The following BTAF1 variants were observed in gnomAD, a reference collection of about 807,000 sequenced individuals.
The protein encoded by BTAF1 is B-TFIID TATA-box binding protein associated factor 1.
A neutral mutation model predicts 227.1 loss-of-function variants in BTAF1; 38 were observed. The ratio of observed to expected loss-of-function variants is 0.17; its 90% CI spans 0.13 to 0.22. The LOEUF (loss-of-function observed/expected upper bound fraction) is 0.22, where lower values mean the gene tolerates loss of function less well. BTAF1 is among the 10% of genes least tolerant of loss of function. The probability of loss-of-function intolerance (pLI) is 1.00; values close to 1 mark genes in which losing one functional copy is unlikely to be tolerated. For missense variants in BTAF1, 1,598 were observed against 2,204.0 expected (o/e 0.73, Z 5.51); for synonymous variants, 742 against 751.9 (o/e 0.99, Z 0.21).
Position 91,934,339 on chromosome 10 carries a change from C to T in BTAF1, c.15-1318C>T, listed in dbSNP as rs544701981. 2.0e-5 allele frequency among the ~76,000 whole-genome samples: 3 copies of T among 152,068 alleles called. No individual in the cohort carries two copies. The South Asian group carries it at 6.2e-4, about 32-fold the overall frequency. The stretch of plus-strand genomic sequence containing the variant: ...AACCTCTGCCTCCCGGATTCAGAAG[C>T]AATTATCCTGCCTCAGCCTCCCTAG... On this transcript the variant is annotated intron_variant, in intron 1 of 37. Coordinates refer to ENST00000265990, the MANE Select transcript of BTAF1 (RefSeq NM_003972.3).
intron 34 of BTAF1, among the ~76,000 whole-genome samples, chr10:92,019,750 C>T (rs1850987172): frequency 6.6e-6 from 1 of 152,198 alleles, no homozygotes; most frequent in Non-Finnish European, 1.5e-5. Context: ...TCCCTAATGA[C>T]TGATGATGTT....
chr10:91,959,865 CTT>C lies in BTAF1; in HGVS notation c.1073_1074del (p.Phe358CysfsTer3). 6.2e-7 allele frequency: 1 copy of C among 1,608,294 alleles called. No individual in the cohort carries two copies. The highest frequency in any genetic ancestry group is 1.1e-5 in the South Asian group (1 of 89,464). ...TTTTTGCATTAGACAGATTTGGAGA[CTT>C]TGTTTCTGATGAAGTAAGTATCATT... ...CVFALDRFGD[F>X]VSDEVVAPVR... On this transcript the variant is annotated frameshift_variant, in exon 10 of 38. Coordinates refer to ENST00000265990, the MANE Select transcript of BTAF1 (RefSeq NM_003972.3). LOFTEE classifies it high-confidence loss of function.
chr10:91,945,634 G>T (rs567277898), intron 4 of BTAF1, among the ~76,000 whole-genome samples: 1 of 152,256 alleles, frequency 6.6e-6, no homozygotes, highest in South Asian at 2.1e-4. Flanking sequence ...TTCTTTTTAA[G>T]GCTGAATAAT....
chr10:92,006,392 A>C (rs529769761), intron 25 of BTAF1, among the ~76,000 whole-genome samples: 14 of 152,346 alleles, frequency 9.2e-5, no homozygotes, highest in African/African-American at 2.6e-4. Flanking sequence ...TGAATGTTTC[A>C]TACTCTCTTA....
chr10:91,981,444 C>A (rs1037782060), intron 15 of BTAF1, among the ~76,000 whole-genome samples, 199 bp from the exon 16 acceptor site: 1 of 151,508 alleles, frequency 6.6e-6, no homozygotes, highest in African/African-American at 2.4e-5. Flanking sequence ...AAAAAACTTT[C>A]CTTTGCATGA....
chr10:91,954,454 G>A (rs1845961076), intron 6 of BTAF1, among the ~76,000 whole-genome samples: 1 of 152,068 alleles, frequency 6.6e-6, no homozygotes, highest in Non-Finnish European at 1.5e-5. Context: ...GTTACTAAAA[G>A]TGATCATCTA....
chr10:91,952,212 C>G (rs890472824), intron 5 of BTAF1, among the ~76,000 whole-genome samples: 1 of 151,168 alleles, frequency 6.6e-6, no homozygotes, highest in Non-Finnish European at 1.5e-5. Context: ...CCATGTTTAC[C>G]TTTTCTCACT....
chr10:91,960,587 G>T (rs1403249204), intron 11 of BTAF1, among the ~76,000 whole-genome samples: 4 of 140,310 alleles, frequency 2.9e-5, no homozygotes, highest in African/African-American at 5.2e-5. Context: ...AACTGTCAGT[G>T]TTTTTTTTTT....
rs557189409 is a variant in BTAF1, at chr10:91,940,120, T to C, written c.253+54T>C. The C allele has an allele frequency of 3.0e-5, 33 of 1,116,378 alleles. 2 individuals are homozygous for C. The South Asian group carries it at 4.3e-4, about 15-fold the overall frequency. 69.2% of individuals were successfully genotyped at this position (1,116,378 alleles called of 1,614,324 possible). Reference sequence around the variant, plus strand: ...AGTAAAAACCTAACTGTAGAATTAATTATAATATGCGTTTTGTATTTTAAT... The same window carrying C: ...AGTAAAAACCTAACTGTAGAATTAACTATAATATGCGTTTTGTATTTTAAT... On this transcript the variant is annotated intron_variant, in intron 3 of 37. Coordinates refer to ENST00000265990, the MANE Select transcript of BTAF1 (RefSeq NM_003972.3).
intron 25 of BTAF1, among the ~76,000 whole-genome samples, 154 bp from the exon 26 acceptor site, chr10:92,007,969 T>C (rs559973078): frequency 8.5e-5 from 13 of 152,376 alleles, no homozygotes; most frequent in African/African-American, 2.4e-4. Context: ...TGTAGCACCT[T>C]TAATGCTTGT....
rs1325002092 is a variant in BTAF1 at position 92,027,226 on chromosome 10, G to A, written c.5332G>A (p.Val1778Ile). The stretch of plus-strand genomic sequence containing the variant: ...ATTCAAGATGAACATAGCGAATACT[G>A]TTATTAGCCAAGAGAATTCTAGTTT... ...QKFKMNIANT[V>I]ISQENSSLQS... The change falls in exon 37 of 38, where the codon GTT becomes ATT. Residue 1778 changes from valine to isoleucine, a missense_variant. Val to Ile is a conservative substitution (Grantham distance 29). This residue lies in a region of BTAF1 where 79 missense variants were observed against 97.9 expected (regional missense o/e 0.81). Transcript: ENST00000265990. 1.9e-6 allele frequency: 3 copies of A among 1,613,974 alleles called. No homozygotes were observed. Among genetic ancestry groups the A allele is most frequent in the South Asian group, 2.2e-5 (2 of 91,072 alleles).
intron 33 of BTAF1, among the ~76,000 whole-genome samples, chr10:92,016,966 TTGTA>T (rs1220411729): frequency 6.6e-6 from 1 of 152,198 alleles, no homozygotes; most frequent in Non-Finnish European, 1.5e-5. Context: ...CAATATATGT[TTGTA>T]TATTACATGA....
intron 34 of BTAF1, among the ~76,000 whole-genome samples, chr10:92,021,537 T>G (rs1309218096): frequency 1.4e-5 from 2 of 146,548 alleles, no homozygotes; most frequent in Non-Finnish European, 3.0e-5. Flanking sequence ...TATTGAGTTG[T>G]TTTTTTTTTT....
chr10:92,012,080 TC>T (rs1850332120), intron 30 of BTAF1, among the ~76,000 whole-genome samples: 1 of 91,572 alleles, frequency 1.1e-5, no homozygotes, highest in African/African-American at 4.5e-5. Context: ...TCTCCCTCCT[TC>T]CCTCCCTCCC....
chr10:91,929,643 T>A (rs997465364), intron 1 of BTAF1, among the ~76,000 whole-genome samples: 1 of 152,210 alleles, frequency 6.6e-6, no homozygotes, highest in Non-Finnish European at 1.5e-5. Context: ...AAAATGTTAA[T>A]GTAGAAAAAA....
At chr10:91,926,424 T>G (rs546068053) in intron 1 of BTAF1, among the ~76,000 whole-genome samples, 2 of 152,332 alleles carry the variant, frequency 1.3e-5, no homozygotes, top group African/African-American at 4.8e-5. Context: ...GAATGTTCTT[T>G]GACTTCCCTT....
chr10:91,930,952 A>G (rs1425549843), intron 1 of BTAF1, among the ~76,000 whole-genome samples: 1 of 152,198 alleles, frequency 6.6e-6, no homozygotes, highest in East Asian at 1.9e-4. Context: ...ATATATTTTG[A>G]AAATATCAGT....
At chr10:91,960,587 G>GTTTTTTTTTTTTT in intron 11 of BTAF1, among the ~76,000 whole-genome samples, 1 of 140,312 alleles carries the variant, frequency 7.1e-6, no homozygotes, top group Non-Finnish European at 1.6e-5. Context: ...AACTGTCAGT[G>GTTTTTTTTTTTTT]TTTTTTTTTT....
intron 20 of BTAF1, among the ~76,000 whole-genome samples, chr10:91,991,229 G>A (rs1358339233): frequency 8.6e-6 from 1 of 116,638 alleles, no homozygotes; most frequent in East Asian, 2.9e-4. Context: ...CTGGGCGACA[G>A]GGCGAGACTC....
Sources: gnomAD v4.1 joint callset for allele counts (sites outside exome capture counted in the v4.1 genomes callset) on GRCh38, gnomAD v4.1.1 for gene constraint, gnomAD v4.1.1 regional missense constraint, MANE v1.5 for transcripts, NCBI Gene and HGNC (gene_info 2026-07-23, HGNC 2026-07-21) for gene names.